TECTA: variants seen among roughly 807,000 people sequenced by gnomAD.
TECTA encodes alpha-tectorin.
Under a neutral mutation model 216.8 loss-of-function variants are expected in TECTA, and 128 were observed. The observed-to-expected ratio is 0.59, with a 90% confidence interval of 0.51 to 0.68. The LOEUF is 0.68. TECTA is among the 30% of genes least tolerant of loss of function. TECTA has a pLI of 0.00. For synonymous variants in TECTA, 1,089 were observed against 1,117.1 expected (o/e 0.97, Z 0.50); for missense variants, 2,551 against 2,786.2 (o/e 0.92, Z 1.90).
At chr11:121,161,693 C>T (rs1016726997) in intron 15 of TECTA, among the ~76,000 whole-genome samples, 7 of 150,620 alleles carry the variant, frequency 4.6e-5, no homozygotes, top group Non-Finnish European at 8.9e-5. Flanking sequence ...TTTAATTCCA[C>T]GAGGTATCAT....
chr11:121,102,455 G>C lies in TECTA; in HGVS notation c.-1-210G>C, dbSNP rs530123772. On this transcript the variant is annotated intron_variant, in intron 1 of 23. Coordinates refer to ENST00000392793, the MANE Select transcript of TECTA (RefSeq NM_005422.4). Reference sequence around the variant, plus strand: ...TTACACTTCCAGACTGGCTTCTTCTGGGCATCTAATTTGTTCATGAAGTGT... The same window carrying C: ...TTACACTTCCAGACTGGCTTCTTCTCGGCATCTAATTTGTTCATGAAGTGT... Among the ~76,000 whole-genome samples the C allele has an allele frequency of 2.1e-4, 32 of 152,286 alleles. No homozygotes were observed. In the South Asian group the frequency reaches 6.6e-3, roughly 32 times the overall value.
chr11:121,125,570 G>A lies in TECTA; in HGVS notation c.1472G>A (p.Arg491His), dbSNP rs760011660. ...GTCCTGGATCTGGGAGAGAGCTGGC[G>A]TGTGTACCACGCAGACTGGAAGTGC... ...MSVLDLGESW[R>H]VYHADWKCDS... The change falls in exon 8 of 24, where the codon CGT becomes CAT. Residue 491 changes from arginine to histidine, a missense_variant. Arg to His is a conservative substitution (Grantham distance 29). Around this residue, in one of 3 missense-constraint regions of TECTA, gnomAD observed 2,375 missense variants for 2,563.9 expected, o/e 0.93. Coordinates refer to ENST00000392793, the MANE Select transcript of TECTA (RefSeq NM_005422.4). 4.0e-5 allele frequency: 65 copies of A among 1,614,038 alleles called. No individual in the cohort carries two copies. In the Middle Eastern group the frequency reaches 6.6e-4, roughly 16 times the overall value.
chr11:121,106,043 T>C, intron 3 of TECTA, 79 bp downstream of exon 3: 1 of 1,607,086 alleles, frequency 6.2e-7, no homozygotes, highest in Non-Finnish European at 8.5e-7. Flanking sequence ...TTAAGTATCC[T>C]CTTCCAGAGC....
chr11:121,181,450 A>AATTATTATTATTATTATTATT lies in TECTA; in HGVS notation c.6000-6379_6000-6359dup, dbSNP rs60183386. Among the ~76,000 whole-genome samples the AATTATTATTATTATTATTATT allele has an allele frequency of 5.1e-3, 751 of 148,256 alleles. 7 individuals carry two copies. The highest frequency in any genetic ancestry group is 0.017 in the African/African-American group (673 of 40,208). On this transcript the variant is annotated intron_variant, in intron 20 of 23. Coordinates refer to ENST00000392793, the MANE Select transcript of TECTA (RefSeq NM_005422.4). ...TTTTTGTTGGAATGTGTTGCTGGAGAATTATTATTATTATTATTATTATGA... is the reference window on the plus strand; with the variant it reads ...TTTTTGTTGGAATGTGTTGCTGGAGAATTATTATTATTATTATTATTATTATTATTATTATTATTATTATGA...
chr11:121,156,988 G>T lies in TECTA; in HGVS notation c.4306-853G>T, dbSNP rs574809613. Among the ~76,000 whole-genome samples, 19 of 152,300 alleles carry T rather than the reference G, an allele frequency of 1.2e-4. No individual in the cohort carries two copies. In the South Asian group the frequency reaches 3.9e-3, roughly 32 times the overall value. ...ACATTCAGGACACGTGGGAATGAAGGTACTTCCATCAGAAGTAAATTGGAA... is the reference window on the plus strand; with the variant it reads ...ACATTCAGGACACGTGGGAATGAAGTTACTTCCATCAGAAGTAAATTGGAA... On this transcript the variant is annotated intron_variant, in intron 13 of 23. Coordinates refer to ENST00000392793, the MANE Select transcript of TECTA (RefSeq NM_005422.4).
chr11:121,113,623 A>C lies in TECTA; in HGVS notation c.695A>C (p.Asn232Thr). 1 of 1,613,998 alleles carries C rather than the reference A, an allele frequency of 6.2e-7. No homozygotes were observed. The highest frequency in any genetic ancestry group is 8.5e-7 in the Non-Finnish European group (1 of 1,180,010). ...LPGSRTPEIV[N>T]IQETTNVNVP... ...GGGTCAAGAACCCCCGAGATCGTGA[A>C]TATCCAGGAGACCACAAACGTCAAT... The change falls in exon 6 of 24, where the codon AAT becomes ACT. Residue 232 changes from asparagine to threonine, a missense_variant. This residue lies in a region of TECTA where 2,375 missense variants were observed against 2,563.9 expected (regional missense o/e 0.93). Transcript: ENST00000392793. The surrounding 1 kb of genome is among the most constrained non-coding windows in gnomAD (Gnocchi z 4.2).
chr11:121,165,318 G>T lies in TECTA; in HGVS notation c.5318G>T (p.Arg1773Leu). The T allele has an allele frequency of 6.2e-7, 1 of 1,608,686 alleles. No individual in the cohort carries two copies. Among genetic ancestry groups the T allele is most frequent in the South Asian group, 1.1e-5 (1 of 89,220 alleles). ...DPCVGADCPN[R>L]TCELGNGREL... ...TGTGTGGGGGCGGACTGTCCCAACC[G>T]AACTTGCGAGCTGGGCAATGGCAGG... The change falls in exon 17 of 24, where the codon CGA (arginine) becomes CTA (leucine). Residue 1773 changes from arginine (R) to leucine (L), a missense_variant. By Grantham distance (102) the Arg-to-Leu change is moderately radical (BLOSUM62 -2). This residue lies in a region of TECTA where 2,375 missense variants were observed against 2,563.9 expected (regional missense o/e 0.93). Transcript: ENST00000392793.
At chr11:121,189,691 A>G in intron 22 of TECTA, 73 bp from the exon 23 acceptor site, 2 of 1,447,004 alleles carry the variant, frequency 1.4e-6, no homozygotes, top group South Asian at 2.3e-5. Context: ...CTCTCTTTTT[A>G]AAGCCCTTCC....
At chr11:121,163,757 A>G (rs940792239) in intron 16 of TECTA, among the ~76,000 whole-genome samples, 1 of 152,246 alleles carries the variant, frequency 6.6e-6, no homozygotes, top group Admixed American at 6.5e-5. Context: ...CAGTTGGCAG[A>G]TGGACCACCA....
Position 121,146,002 on chromosome 11 carries a change from T to C in TECTA, c.3991T>C (p.Ser1331Pro), listed in dbSNP as rs1360343779. 1 of 1,614,214 alleles carries C rather than the reference T, an allele frequency of 6.2e-7. No individual in the cohort carries two copies. The highest frequency in any genetic ancestry group is 1.7e-5 in the Admixed American group (1 of 60,036). ...TFFYKNCLFD[S>P]CIDGGAVQTA... Reference sequence around the variant, plus strand: ...CTTCTATAAGAACTGCCTGTTTGACTCTTGCATCGATGGGGGCGCGGTGCA... The same window carrying C: ...CTTCTATAAGAACTGCCTGTTTGACCCTTGCATCGATGGGGGCGCGGTGCA... The change falls in exon 12 of 24, where the codon TCT becomes CCT. Residue 1331 changes from serine to proline, a missense_variant. Physicochemically the swap from Ser to Pro is moderately conservative, Grantham distance 74. Around this residue, in one of 3 missense-constraint regions of TECTA, gnomAD observed 2,375 missense variants for 2,563.9 expected, o/e 0.93. Coordinates refer to ENST00000392793, the MANE Select transcript of TECTA (RefSeq NM_005422.4).
At chr11:121,148,063 G>T (rs4539330) in intron 12 of TECTA, among the ~76,000 whole-genome samples, 2 of 151,892 alleles carry the variant, frequency 1.3e-5, no homozygotes, top group African/African-American at 4.8e-5. Context: ...CCTTCTACCA[G>T]GAACCCTTTC....
In TECTA at chr11:121,190,855, C is replaced by A. The variant is rs768852017; in HGVS notation, c.*49C>A. Reference sequence around the variant, plus strand: ...GTACTGTAATTTACTTACTTCAACACCCTGTAGGATAAAAAGTGTGTGCCC... The same window carrying A: ...GTACTGTAATTTACTTACTTCAACAACCTGTAGGATAAAAAGTGTGTGCCC... On this transcript the variant is annotated 3_prime_UTR_variant, in exon 24 of 24. Transcript: ENST00000392793. 5.6e-5 allele frequency: 78 copies of A among 1,382,644 alleles called. No homozygotes were observed. In the South Asian group the frequency reaches 8.1e-4, roughly 14 times the overall value. The allele number at this position is 1,382,644 out of a possible 1,614,324, so 85.6% of individuals were successfully genotyped here. A position where few individuals can be genotyped will look rare whatever the true frequency, so the allele number is the denominator to read the frequency against.
At position 121,113,791 on chromosome 11, in the gene TECTA, C is replaced by G; in HGVS notation, c.790+73C>G. 2.6e-6 allele frequency: 4 copies of G among 1,566,298 alleles called. No homozygotes were observed. The highest frequency in any genetic ancestry group is 3.5e-6 in the Non-Finnish European group (4 of 1,145,344). On this transcript the variant is annotated intron_variant, in intron 6 of 23. Transcript: ENST00000392793. This position sits in a 1 kb window ranked among gnomAD's most constrained non-coding sequence, Gnocchi z 4.2. The stretch of plus-strand genomic sequence containing the variant: ...GATTGACAGGCAAGCTTTTAAGCCA[C>G]GGGGGCGGACTCATTCCTGATGCCT...
Position 121,113,237 on chromosome 11 carries a change from C to G in TECTA, c.624+28C>G, listed in dbSNP as rs764972893. 1 of 1,613,626 alleles carries G rather than the reference C, an allele frequency of 6.2e-7. No homozygotes were observed. Among genetic ancestry groups the G allele is most frequent in the Non-Finnish European group, 8.5e-7 (1 of 1,179,996 alleles). Reference sequence around the variant, plus strand: ...AGGTGGCTCTCCACTTCATCCCCCGCGTGTTTCCGTCGCTGCACTCTCTGC... The same window carrying G: ...AGGTGGCTCTCCACTTCATCCCCCGGGTGTTTCCGTCGCTGCACTCTCTGC... On this transcript the variant is annotated intron_variant, in intron 5 of 23. Transcript: ENST00000392793. The surrounding 1 kb of genome is among the most constrained non-coding windows in gnomAD (Gnocchi z 4.2).
At chr11:121,115,048 C>A (rs1946488229) in intron 6 of TECTA, among the ~76,000 whole-genome samples, 1 of 88,920 alleles carries the variant, frequency 1.1e-5, no homozygotes, top group East Asian at 3.5e-4. Context: ...CATTCACCAA[C>A]CTATCCATCC....
intron 12 of TECTA, among the ~76,000 whole-genome samples, chr11:121,146,600 A>G (rs2135107533): frequency 6.6e-6 from 1 of 152,276 alleles, no homozygotes; most frequent in East Asian, 1.9e-4. Flanking sequence ...TACATTAGAG[A>G]AGGAACTAGA....
intron 20 of TECTA, among the ~76,000 whole-genome samples, chr11:121,175,326 A>T (rs1233305466): frequency 6.6e-6 from 1 of 151,754 alleles, no homozygotes; most frequent in Non-Finnish European, 1.5e-5. Context: ...TCTTGTGGGC[A>T]TTTAGTGCTA....
intron 15 of TECTA, among the ~76,000 whole-genome samples, chr11:121,161,308 G>A (rs796510136): frequency 1.3e-5 from 2 of 152,106 alleles, no homozygotes; most frequent in East Asian, 1.9e-4. Flanking sequence ...ACATGAGGAG[G>A]CCCCATATAT....
At chr11:121,133,544 A>G (rs548497965) in intron 10 of TECTA, among the ~76,000 whole-genome samples, 1 of 152,294 alleles carries the variant, frequency 6.6e-6, no homozygotes, top group Admixed American at 6.5e-5. Flanking sequence ...TTAATCTGGA[A>G]CAATGACTTA....
Sources: gnomAD v4.1 joint callset for allele counts (sites outside exome capture counted in the v4.1 genomes callset) on GRCh38, gnomAD v4.1.1 for gene constraint, gnomAD v4.1.1 regional missense constraint, Gnocchi (gnomAD v3.1) non-coding constraint, MANE v1.5 for transcripts, NCBI Gene and HGNC (gene_info 2026-07-23, HGNC 2026-07-21) for gene names.